The following WDFY3 variants were observed in gnomAD, a reference collection of about 807,000 sequenced individuals.
WDFY3 encodes the protein WD repeat and FYVE domain containing 3.
Under a neutral mutation model 409.6 loss-of-function variants are expected in WDFY3, and 66 were observed. The observed-to-expected ratio is 0.16, with a 90% CI of 0.13 to 0.20. The LOEUF is 0.20. WDFY3 is among the 10% of genes least tolerant of loss of function. The pLI, the probability that WDFY3 is intolerant of heterozygous loss-of-function variation, is 1.00. For synonymous variants in WDFY3, 1,521 were observed against 1,537.1 expected, an observed-to-expected ratio of 0.99 and a Z score of 0.25; for missense variants, 3,031 against 4,298.1, an observed-to-expected ratio of 0.71 and a Z score of 8.24.
chr4:84,842,066 T>C lies in WDFY3; in HGVS notation c.305-803A>G, dbSNP rs889578100. ...CTTCAAAAGTAAATTTAGTTGATTA[T>C]ATTTCTTATTAGAGAGAAGAGTAAA... is the stretch of plus-strand genomic sequence containing the variant. On this transcript the variant is annotated intron_variant, in intron 5 of 67. Transcript: ENST00000295888. Among the ~76,000 whole-genome samples, 11 of 152,334 alleles carry C rather than the reference T, an allele frequency of 7.2e-5. No homozygotes were observed. The East Asian group carries it at 2.1e-3, about 29-fold the overall frequency.
intron 7 of WDFY3, among the ~76,000 whole-genome samples, chr4:84,833,586 C>T (rs570976912): frequency 3.3e-5 from 5 of 151,766 alleles, no homozygotes; most frequent in East Asian, 3.9e-4. Flanking sequence ...CCCGGGAGGT[C>T]GAGGCTGCAG....
intron 67 of WDFY3, among the ~76,000 whole-genome samples, chr4:84,675,958 T>G (rs1045072943): frequency 3.3e-5 from 5 of 152,048 alleles, no homozygotes; most frequent in African/African-American, 1.2e-4. Context: ...GACCTAAATG[T>G]GAAAAATAAA....
chr4:84,814,232 G>A (rs1752939902), intron 13 of WDFY3, among the ~76,000 whole-genome samples: 1 of 152,080 alleles, frequency 6.6e-6, no homozygotes, highest in Non-Finnish European at 1.5e-5. Context: ...ACCCTTCCCA[G>A]CCTGGAGACA....
chr4:84,712,635 C>T (rs922642256), intron 51 of WDFY3, among the ~76,000 whole-genome samples: 3 of 151,342 alleles, frequency 2.0e-5, no homozygotes, highest in Non-Finnish European at 2.9e-5. Flanking sequence ...GCAGGAGAAT[C>T]GCCATGAACC....
chr4:84,820,305 G>T (rs1753874152), intron 11 of WDFY3, 119 bp from the exon 12 acceptor site: 7 of 695,848 alleles, frequency 1.0e-5, no homozygotes, highest in Non-Finnish European at 1.6e-5. Flanking sequence ...TAATAGGACA[G>T]ATATAATATA....
rs570929192 is a variant in WDFY3 at position 84,677,481 on chromosome 4, G to A, written c.10260-85C>T. 7 of 1,330,198 alleles carry A rather than the reference G, an allele frequency of 5.3e-6. No individual in the cohort carries two copies. In the South Asian group the frequency reaches 7.6e-5, roughly 14 times the overall value. The allele number at this position is 1,330,198 out of a possible 1,614,324, so 82.4% of individuals were successfully genotyped here. On this transcript the variant is annotated intron_variant, in intron 66 of 67. Transcript: ENST00000295888. ...AGGCTCTCTGGATTTTGGTGGATGTGTGTTTTGAGGTCGGGGCTGGTAAGG... is the reference window on the plus strand; with the variant it reads ...AGGCTCTCTGGATTTTGGTGGATGTATGTTTTGAGGTCGGGGCTGGTAAGG...
chr4:84,674,154 T>G (rs1725869888), intron 67 of WDFY3, among the ~76,000 whole-genome samples: 1 of 152,190 alleles, frequency 6.6e-6, no homozygotes, highest in African/African-American at 2.4e-5. Flanking sequence ...AAAGCTTCCA[T>G]CCAACATTTA....
At chr4:84,834,384 C>T (rs891071469) in intron 7 of WDFY3, among the ~76,000 whole-genome samples, 29 of 151,888 alleles carry the variant, frequency 1.9e-4, no homozygotes, top group Non-Finnish European at 4.4e-5. Flanking sequence ...TGGTGGCTCA[C>T]GCCTGTAATC....
chr4:84,696,389 AGAGT>A (rs1730149421), intron 57 of WDFY3, among the ~76,000 whole-genome samples: 2 of 152,184 alleles, frequency 1.3e-5, no homozygotes, highest in Non-Finnish European at 2.9e-5. Flanking sequence ...TATATTTATG[AGAGT>A]GAGAGACAGA....
chr4:84,836,947 G>A lies in WDFY3; in HGVS notation c.558C>T (p.Leu186=). Residue 186 remains leucine, a synonymous_variant, in exon 7 of 68, where the codon CTC becomes CTT. Coordinates refer to ENST00000295888, the MANE Select transcript of WDFY3 (RefSeq NM_014991.6). ...ELPLAERRGL[L]QKVFVQILVK... is the part of the protein sequence containing the mutation. ...TTCATACCTGTACAAAAACTTTCTG[G>A]AGTAGTCCTCGACGTTCTGCTAGAG... The A allele has an allele frequency of 6.3e-7, 1 of 1,581,340 alleles. No homozygotes were observed. The highest frequency in any genetic ancestry group is 8.6e-7 in the Non-Finnish European group (1 of 1,163,964).
At chr4:84,898,976 C>T (rs1765996879) in intron 2 of WDFY3, among the ~76,000 whole-genome samples, 1 of 152,196 alleles carries the variant, frequency 6.6e-6, no homozygotes, top group South Asian at 2.1e-4. Flanking sequence ...AGCTTCCATA[C>T]TGAAAAGGTC....
rs370783046 is a variant in WDFY3, at chr4:84,787,636, A to T, written c.3747T>A (p.Ile1249=). 7.6e-4 allele frequency: 1,222 copies of T among 1,614,188 alleles called. 17 individuals are homozygous for T. In the South Asian group the frequency reaches 0.013, roughly 17 times the overall value. The change falls in exon 23 of 68, where the codon ATT becomes ATA. Residue 1249 remains isoleucine, a synonymous_variant. Coordinates refer to ENST00000295888, the MANE Select transcript of WDFY3 (RefSeq NM_014991.6). ...TTTGGCGTTGGGCAGGTGGAGTACC[A>T]ATGTAGGCATAGACCGTGCTCACCA... ...PPVVSTVYAY[I]GTPPAQRQIA... is the part of the protein sequence containing the mutation.
At chr4:84,874,138 G>A (rs1021285464) in intron 3 of WDFY3, among the ~76,000 whole-genome samples, 8 of 151,742 alleles carry the variant, frequency 5.3e-5, no homozygotes, top group African/African-American at 1.9e-4. Context: ...CAGAGACCGG[G>A]CGAGGTGGCT....
intron 32 of WDFY3, among the ~76,000 whole-genome samples, chr4:84,758,028 A>G (rs1302749803): frequency 1.3e-5 from 2 of 152,256 alleles, no homozygotes; most frequent in East Asian, 3.9e-4. Flanking sequence ...TTACTAATGT[A>G]GCTTATGGCA....
At chr4:84,791,601 G>A (rs185050726) in intron 21 of WDFY3, among the ~76,000 whole-genome samples, 6 of 152,090 alleles carry the variant, frequency 3.9e-5, no homozygotes, top group Non-Finnish European at 8.8e-5. Flanking sequence ...AAAAAGAACC[G>A]AGAAAAATGT....
chr4:84,713,704 C>G (rs1733330636), intron 50 of WDFY3, among the ~76,000 whole-genome samples: 1 of 152,142 alleles, frequency 6.6e-6, no homozygotes, highest in Non-Finnish European at 1.5e-5. Context: ...ATCTGTATCA[C>G]CCTTCAAAGA....
intron 32 of WDFY3, among the ~76,000 whole-genome samples, chr4:84,763,276 A>G (rs546177851): frequency 6.6e-6 from 1 of 152,152 alleles, no homozygotes; most frequent in Non-Finnish European, 1.5e-5. Flanking sequence ...AAACTAACAC[A>G]GGAACAGAAA....
At chr4:84,877,309 C>T (rs183213607) in intron 3 of WDFY3, among the ~76,000 whole-genome samples, 171 of 152,234 alleles carry the variant, frequency 1.1e-3, no homozygotes, top group Non-Finnish European at 2.0e-3. Flanking sequence ...TAAATCTGAG[C>T]TCAACTGTCC....
chr4:84,856,411 G>A (rs992371966), intron 4 of WDFY3, among the ~76,000 whole-genome samples: 1 of 152,118 alleles, frequency 6.6e-6, no homozygotes, highest in African/African-American at 2.4e-5. Flanking sequence ...TACTCATTTT[G>A]AGTAAGTTTA....
Sources: gnomAD v4.1 joint callset for allele counts (sites outside exome capture counted in the v4.1 genomes callset) on GRCh38, gnomAD v4.1.1 for gene constraint, MANE v1.5 for transcripts, NCBI Gene and HGNC (gene_info 2026-07-23, HGNC 2026-07-21) for gene names.